The following ATG7 variants were observed in gnomAD, a reference collection of about 807,000 sequenced individuals.
ATG7 encodes ubiquitin-like modifier-activating enzyme ATG7.
ATG7 carries 70 observed loss-of-function variants against 82.4 expected under a neutral mutation model. The observed-to-expected ratio is 0.85, with a 90% CI of 0.70 to 1.04. The LOEUF (loss-of-function observed/expected upper bound fraction) is 1.04. Ranked by LOEUF, ATG7 falls within the 50% of genes least tolerant of loss-of-function variation. The probability of loss-of-function intolerance (pLI) is 0.00; values close to 1 mark genes in which losing one functional copy is unlikely to be tolerated. For missense variants in ATG7, 792 were observed against 864.3 expected (o/e 0.92, Z 1.05); for synonymous variants, 287 against 313.0 (o/e 0.92, Z 0.88).
At chr3:11,298,143 C>T (rs1359572247) in intron 3 of ATG7, among the ~76,000 whole-genome samples, 1 of 151,586 alleles carries the variant, frequency 6.6e-6, no homozygotes, top group Non-Finnish European at 1.5e-5. Flanking sequence ...TGCACCACTG[C>T]ACTCCAGTGC....
chr3:11,552,929 A>T (rs750416430), intron 20 of ATG7, among the ~76,000 whole-genome samples: 12 of 152,082 alleles, frequency 7.9e-5, no homozygotes, highest in Admixed American at 2.0e-4. Context: ...GAAAGTTTCT[A>T]CTTTCCTATA....
intron 11 of ATG7, among the ~76,000 whole-genome samples, chr3:11,335,436 G>C (rs1339737266): frequency 6.6e-6 from 1 of 152,128 alleles, no homozygotes; most frequent in African/African-American, 2.4e-5. Context: ...TTATGAATTT[G>C]TGTTGGGCCA....
At chr3:11,442,613 T>C (rs2084085329) in intron 20 of ATG7, among the ~76,000 whole-genome samples, 2 of 151,282 alleles carry the variant, frequency 1.3e-5, no homozygotes, top group African/African-American at 4.9e-5. Context: ...TTTTAAAGTA[T>C]TTTAGGGCCA....
chr3:11,566,916 G>C, the ATG7 span, among the ~76,000 whole-genome samples: 1 of 152,194 alleles, frequency 6.6e-6, no homozygotes, highest in South Asian at 2.1e-4. Flanking sequence ...GCATATGGGT[G>C]ACCGTGTAAG....
chr3:11,396,401 T>C (rs1462949599), intron 19 of ATG7, among the ~76,000 whole-genome samples: 1 of 152,074 alleles, frequency 6.6e-6, no homozygotes, highest in Non-Finnish European at 1.5e-5. Context: ...GATTGTGCCC[T>C]GTACCCCAGC....
At chr3:11,461,257 C>T (rs1022781042) in intron 20 of ATG7, among the ~76,000 whole-genome samples, 2 of 152,076 alleles carry the variant, frequency 1.3e-5, no homozygotes, top group African/African-American at 2.4e-5. Context: ...ATTCTGTGTC[C>T]CTTAGGAAAT....
At chr3:11,331,211 C>T (rs1055318248) in intron 9 of ATG7, 129 bp from the exon 10 acceptor site, 7 of 770,038 alleles carry the variant, frequency 9.1e-6, no homozygotes, top group Non-Finnish European at 1.5e-5. Flanking sequence ...CCCCTTAGCC[C>T]TTTACCAGAT....
At chr3:11,367,956 T>C (rs956272400) in intron 18 of ATG7, among the ~76,000 whole-genome samples, 9 of 152,030 alleles carry the variant, frequency 5.9e-5, no homozygotes, top group African/African-American at 1.7e-4. Context: ...AACAGTCTTA[T>C]ACCCAGCACA....
chr3:11,287,009 C>T (rs1420207131), intron 3 of ATG7, among the ~76,000 whole-genome samples: 1 of 152,082 alleles, frequency 6.6e-6, no homozygotes, highest in African/African-American at 2.4e-5. Context: ...CCAAGCAGTC[C>T]TCCTGCCTCA....
At chr3:11,382,368 T>C (rs969961835) in intron 19 of ATG7, among the ~76,000 whole-genome samples, 19 of 152,252 alleles carry the variant, frequency 1.2e-4, no homozygotes, top group Non-Finnish European at 2.9e-5. Flanking sequence ...AGTGCTTTGC[T>C]TCTAAAGCAG....
In ATG7 at chr3:11,415,117, A is replaced by G. The variant is rs550352833; in HGVS notation, c.1957-11687A>G. Among the ~76,000 whole-genome samples the G allele has an allele frequency of 3.9e-5, 6 of 152,388 alleles. No individual in the cohort carries two copies. In the East Asian group the frequency reaches 1.2e-3, roughly 29 times the overall value. On this transcript the variant is annotated intron_variant, in intron 19 of 20. Transcript: ENST00000693202. ...GCAAGCCTGTACAGTATGTAACTGT[A>G]ATGAACACTGTAGACAACTATAACA...
downstream of ATG7, chr3:11,558,184 G>T: frequency 3.5e-6 from 1 of 288,208 alleles, no homozygotes; most frequent in African/African-American, 2.1e-5. Flanking sequence ...AGAAGCAAAG[G>T]AAAAAGCACA....
intron 19 of ATG7, among the ~76,000 whole-genome samples, chr3:11,395,690 C>G (rs542933202): frequency 2.0e-5 from 3 of 152,242 alleles, no homozygotes; most frequent in Non-Finnish European, 4.4e-5. Flanking sequence ...CCTGTAATCC[C>G]AGCACTTTGG....
At chr3:11,519,325 C>T (rs958451757) in intron 20 of ATG7, among the ~76,000 whole-genome samples, 2 of 151,904 alleles carry the variant, frequency 1.3e-5, no homozygotes, top group Admixed American at 6.6e-5. Flanking sequence ...AATAAATAGG[C>T]GAAGGTAATT....
chr3:11,351,222 G>C (rs1393970955), intron 14 of ATG7, among the ~76,000 whole-genome samples: 1 of 152,194 alleles, frequency 6.6e-6, no homozygotes, highest in Non-Finnish European at 1.5e-5. Flanking sequence ...TTAAAGTCTA[G>C]TGGGGGATGG....
intron 20 of ATG7, among the ~76,000 whole-genome samples, chr3:11,442,983 A>G (rs750062376): frequency 5.3e-5 from 8 of 152,156 alleles, no homozygotes; most frequent in Non-Finnish European, 8.8e-5. Flanking sequence ...AAGAATATGT[A>G]TTATTGTTCC....
chr3:11,477,770 A>T lies in ATG7; in HGVS notation c.2079+50844A>T, dbSNP rs12108132. ...GCAGGAACCAGGACTCAGGGCTAGGAACTGGGAATCAGTACAGCCTAGACG... is the reference window on the plus strand; with the variant it reads ...GCAGGAACCAGGACTCAGGGCTAGGTACTGGGAATCAGTACAGCCTAGACG... On this transcript the variant is annotated intron_variant, in intron 20 of 20. Transcript: ENST00000693202. 2.1e-3 allele frequency among the ~76,000 whole-genome samples: 319 copies of T among 152,328 alleles called. 1 individual carries two copies. The highest frequency in any genetic ancestry group is 7.4e-3 in the African/African-American group (308 of 41,582).
chr3:11,336,587 GTATGGTTGTACTTT>G (rs1952534249), intron 11 of ATG7, among the ~76,000 whole-genome samples: 1 of 152,100 alleles, frequency 6.6e-6, no homozygotes, highest in Non-Finnish European at 1.5e-5. Context: ...GAAAATATAA[GTATGGTTGTACTTT>G]TCAATACTTC....
intron 20 of ATG7, among the ~76,000 whole-genome samples, chr3:11,543,650 A>G (rs887967672): frequency 6.6e-6 from 1 of 152,238 alleles, no homozygotes; most frequent in Admixed American, 6.5e-5. Context: ...CTGTACTCCC[A>G]GTGCTTTGGG....
Sources: allele counts gnomAD v4.1 joint callset (sites outside exome capture counted in the v4.1 genomes callset), GRCh38; gene constraint gnomAD v4.1.1; transcripts MANE v1.5; gene names NCBI Gene and HGNC (gene_info 2026-07-23, HGNC 2026-07-21).